The following RNF212B variants were observed in gnomAD, a reference collection of about 807,000 sequenced individuals.
The protein encoded by RNF212B is ring finger protein 212B, also known as E3 ubiquitin-protein ligase RNF212B.
Under a neutral mutation model 55.5 loss-of-function variants are expected in RNF212B, and 52 were observed. The observed-to-expected ratio is 0.94, with a 90% CI of 0.75 to 1.18. RNF212B has a LOEUF of 1.18. Among genes scored for constraint, RNF212B ranks in the 50% most tolerant of loss-of-function variants. RNF212B has a pLI of 0.00. For missense variants in RNF212B, 289 were observed against 350.4 expected, an observed-to-expected ratio of 0.82 and a Z score of 1.40; for synonymous variants, 99 against 121.4, an observed-to-expected ratio of 0.82 and a Z score of 1.21.
upstream of RNF212B, among the ~76,000 whole-genome samples, chr14:23,235,900 A>G (rs994259816): frequency 1.3e-5 from 2 of 152,242 alleles, no homozygotes; most frequent in East Asian, 1.9e-4. Context: ...GTTCATTGAT[A>G]TGGTTCAGAT....
chr14:23,188,785 T>A (rs1877845298), intron 1 of RNF212B, among the ~76,000 whole-genome samples: 3 of 152,092 alleles, frequency 2.0e-5, no homozygotes. Flanking sequence ...TTTTTAAAGA[T>A]GTAGATGACA....
intron 1 of RNF212B, among the ~76,000 whole-genome samples, chr14:23,191,475 T>C (rs935446301): frequency 6.6e-6 from 1 of 152,168 alleles, no homozygotes; most frequent in African/African-American, 2.4e-5. Context: ...GTCTTTCCTA[T>C]TAAAATGTAA....
intron 1 of RNF212B, among the ~76,000 whole-genome samples, chr14:23,189,842 A>G (rs1877949986): frequency 6.6e-6 from 1 of 152,038 alleles, no homozygotes; most frequent in African/African-American, 2.4e-5. Flanking sequence ...ACTTCCCTTG[A>G]TGCTCTATTC....
upstream of RNF212B, among the ~76,000 whole-genome samples, chr14:23,237,667 T>C (rs1449104841): frequency 6.6e-6 from 1 of 152,234 alleles, no homozygotes; most frequent in African/African-American, 2.4e-5. Flanking sequence ...AATTAGGTTT[T>C]ATTTTCACCT....
At chr14:23,230,589 G>A (rs1882515751) in intron 2 of RNF212B, among the ~76,000 whole-genome samples, 1 of 145,070 alleles carries the variant, frequency 6.9e-6, no homozygotes, top group South Asian at 2.2e-4. Context: ...GGGAGGCGGA[G>A]CTTGCAGTGA....
intron 2 of RNF212B, among the ~76,000 whole-genome samples, chr14:23,209,919 G>A (rs148548687): frequency 6.6e-5 from 10 of 152,304 alleles, no homozygotes; most frequent in East Asian, 3.9e-4. Flanking sequence ...TTGGGAGGCC[G>A]AGGTGGGCTG....
chr14:23,210,983 G>A (rs762576232), intron 2 of RNF212B, among the ~76,000 whole-genome samples: 1 of 151,662 alleles, frequency 6.6e-6, no homozygotes, highest in African/African-American at 2.4e-5. Context: ...ACTTTGGGAG[G>A]CCAAGGTGGA....
chr14:23,265,236 A>G (rs1014828064), intron 11 of RNF212B, among the ~76,000 whole-genome samples: 12 of 152,250 alleles, frequency 7.9e-5, no homozygotes, highest in African/African-American at 2.9e-4. Context: ...ATAACTTTTC[A>G]GTAAAATTGA....
chr14:23,264,351 T>C (rs1156863704), intron 10 of RNF212B, 117 bp downstream of exon 10: 8 of 866,064 alleles, frequency 9.2e-6, no homozygotes, highest in Non-Finnish European at 1.1e-5. Flanking sequence ...GATGTCATAC[T>C]GGACCCTATT....
chr14:23,270,572 T>A, intron 13 of RNF212B, 28 bp from the exon 14 acceptor site: 1 of 1,522,484 alleles, frequency 6.6e-7, no homozygotes, highest in Non-Finnish European at 8.9e-7. Context: ...AAGTAAGTTA[T>A]CTTTCACTGT....
In RNF212B at chr14:23,186,235, C is replaced by A. The variant is rs905240333; in HGVS notation, c.-79+745C>A. Among the ~76,000 whole-genome samples, 3 of 152,132 alleles carry A rather than the reference C, an allele frequency of 2.0e-5. No homozygotes were observed. The Middle Eastern group carries it at 0.01, about 517-fold the overall frequency. Reference sequence around the variant, plus strand: ...TTGTGACATAAACTCTTAAGTGTGTCAAAATTCCAGGTGACTAACATTGAA... The same window carrying A: ...TTGTGACATAAACTCTTAAGTGTGTAAAAATTCCAGGTGACTAACATTGAA... On this transcript the variant is annotated intron_variant, in intron 1 of 15. Coordinates refer to the RNF212B transcript ENST00000399910.
At chr14:23,233,321 G>T (rs931432463), upstream of RNF212B, among the ~76,000 whole-genome samples, 1 of 151,386 alleles carries the variant, frequency 6.6e-6, no homozygotes, top group Admixed American at 6.6e-5. Context: ...TTGTTCACAT[G>T]TTTATTGGCT....
intron 6 of RNF212B, among the ~76,000 whole-genome samples, chr14:23,260,428 A>G (rs1315581391): frequency 1.3e-5 from 2 of 152,162 alleles, no homozygotes; most frequent in Non-Finnish European, 2.9e-5. Flanking sequence ...ATTTCCCCAC[A>G]TATGTTAGTC....
At chr14:23,231,290 CCTT>C (rs1233077080) in intron 2 of RNF212B, among the ~76,000 whole-genome samples, 5 of 152,052 alleles carry the variant, frequency 3.3e-5, no homozygotes, top group African/African-American at 1.2e-4. Context: ...AATATTTTAT[CCTT>C]CTTGATGCTG....
intron 2 of RNF212B, among the ~76,000 whole-genome samples, chr14:23,208,759 T>TTTTG (rs1880122452): frequency 8.1e-6 from 1 of 123,018 alleles, no homozygotes; most frequent in African/African-American, 3.5e-5. Context: ...TGGTTGCCGT[T>TTTTG]TTTTTTTTTT....
chr14:23,260,566 A>C (rs1885219674), intron 6 of RNF212B, 93 bp from the exon 7 acceptor site: 1 of 1,173,356 alleles, frequency 8.5e-7, no homozygotes, highest in Non-Finnish European at 1.2e-6. Context: ...ACTAAGGGGC[A>C]CTGAGCTTAG....
chr14:23,264,512 A>C (rs1035667361), intron 10 of RNF212B, 111 bp from the exon 11 acceptor site: 10 of 810,808 alleles, frequency 1.2e-5, no homozygotes, highest in Non-Finnish European at 1.9e-5. Context: ...TAGTATGCCC[A>C]CTGCAGTAGA....
chr14:23,202,068 T>C (rs542176197), intron 2 of RNF212B, among the ~76,000 whole-genome samples: 1 of 152,044 alleles, frequency 6.6e-6, no homozygotes, highest in East Asian at 1.9e-4. Context: ...TTGACCAACA[T>C]GGTGAAACCC....
intron 1 of RNF212B, among the ~76,000 whole-genome samples, chr14:23,188,656 G>A (rs1435921150): frequency 6.6e-6 from 1 of 151,966 alleles, no homozygotes; most frequent in Admixed American, 6.6e-5. Context: ...TTTTAGTAAA[G>A]ATGAGGTCTT....
Sources: allele counts gnomAD v4.1 joint callset (sites outside exome capture counted in the v4.1 genomes callset), GRCh38; gene constraint gnomAD v4.1.1; transcripts MANE v1.5; gene names NCBI Gene and HGNC (gene_info 2026-07-23, HGNC 2026-07-21).